The following AKAP3 variants were observed in gnomAD, a reference collection of about 807,000 sequenced individuals.
AKAP3 encodes the protein A-kinase anchoring protein 3.
Under a neutral mutation model 57.2 loss-of-function variants are expected in AKAP3, and 27 were observed. That is an observed-to-expected ratio of 0.47 (90% CI 0.35 to 0.65). The LOEUF is 0.65. Among genes scored for constraint, AKAP3 ranks in the 30% least tolerant of loss-of-function variants. AKAP3 has a pLI of 0.01. For synonymous variants in AKAP3, 334 were observed against 392.3 expected (o/e 0.85, Z 1.76); for missense variants, 959 against 1,040.0 (o/e 0.92, Z 1.07).
chr12:4,646,047 G>T (rs972643952), intron 1 of AKAP3, among the ~76,000 whole-genome samples: 2 of 151,950 alleles, frequency 1.3e-5, no homozygotes, highest in Non-Finnish European at 2.9e-5. Context: ...TTATTTTTAG[G>T]ATATTTTGCC....
intron 4 of AKAP3, among the ~76,000 whole-genome samples, chr12:4,632,153 T>G (rs767019389): frequency 6.6e-6 from 1 of 152,250 alleles, no homozygotes; most frequent in Non-Finnish European, 1.5e-5. Context: ...CTAAGTAAGA[T>G]GGAACACTGA....
intron 4 of AKAP3, among the ~76,000 whole-genome samples, chr12:4,630,083 G>C (rs747877183): frequency 6.6e-6 from 1 of 152,130 alleles, no homozygotes; most frequent in African/African-American, 2.4e-5. Flanking sequence ...CAAATGTAAA[G>C]AATCACTGTA....
chr12:4,647,012 A>C (rs1945707746), intron 1 of AKAP3, among the ~76,000 whole-genome samples: 2 of 151,908 alleles, frequency 1.3e-5, no homozygotes, highest in South Asian at 4.2e-4. Context: ...CGAACTCCTG[A>C]CCTCAAGTGA....
intron 3 of AKAP3, among the ~76,000 whole-genome samples, chr12:4,640,755 C>A (rs1945627164): frequency 6.6e-6 from 1 of 152,160 alleles, no homozygotes; most frequent in African/African-American, 2.4e-5. Context: ...ACAATGGATT[C>A]CTTAGGTAAA....
At chr12:4,628,855 G>C in intron 4 of AKAP3, 50 bp from the exon 5 acceptor site, 1 of 1,530,330 alleles carries the variant, frequency 6.5e-7, no homozygotes, top group Non-Finnish European at 8.8e-7. Flanking sequence ...AAAGATATGG[G>C]ATATTCAAGA....
intron 5 of AKAP3, among the ~76,000 whole-genome samples, chr12:4,624,941 T>C (rs562579723): frequency 1.3e-5 from 2 of 151,150 alleles, no homozygotes; most frequent in Admixed American, 6.6e-5. Context: ...GAATGTATTA[T>C]GTATGTTATA....
At chr12:4,630,913 T>C (rs1224056227) in intron 4 of AKAP3, among the ~76,000 whole-genome samples, 1 of 152,192 alleles carries the variant, frequency 6.6e-6, no homozygotes, top group Non-Finnish European at 1.5e-5. Context: ...TTAACAGATA[T>C]TCATTTTTAT....
intron 3 of AKAP3, among the ~76,000 whole-genome samples, chr12:4,639,918 G>A (rs560135012): frequency 1.4e-5 from 2 of 147,796 alleles, no homozygotes; most frequent in South Asian, 2.1e-4. Context: ...CTGGGTTCAC[G>A]CCATTCTCCT....
At chr12:4,623,526 G>A (rs150557374) in intron 5 of AKAP3, among the ~76,000 whole-genome samples, 7 of 152,224 alleles carry the variant, frequency 4.6e-5, no homozygotes, top group African/African-American at 9.6e-5. Flanking sequence ...GAAATGCAGC[G>A]TGTTATCAGA....
chr12:4,641,789 A>G (rs2137449542), intron 3 of AKAP3, 110 bp downstream of exon 3: 1 of 152,342 alleles, frequency 6.6e-6, no homozygotes, highest in Non-Finnish European at 1.5e-5. Flanking sequence ...AGTTACTCCT[A>G]GTAGAAAATT....
Position 4,627,686 on chromosome 12 carries a change from G to T in AKAP3, c.1216C>A (p.Leu406Ile), listed in dbSNP as rs1336756941. The T allele has an allele frequency of 2.5e-6, 4 of 1,614,066 alleles. No individual in the cohort carries two copies. Among genetic ancestry groups the T allele is most frequent in the Non-Finnish European group, 3.4e-6 (4 of 1,180,028 alleles). The change falls in exon 5 of 6, where the codon CTC (leucine) becomes ATC (isoleucine). Residue 406 changes from leucine to isoleucine, a missense_variant. Coordinates refer to ENST00000228850, the MANE Select transcript of AKAP3 (RefSeq NM_001278309.2). ...TCACCCATTCCTTTCATGGAGATGA[G>T]GGAATAACTCTCAGCCTTGTCTTGG... ...KAQDKAESYS[L>I]ISMKGMGDPK...
intron 5 of AKAP3, among the ~76,000 whole-genome samples, chr12:4,622,676 C>T (rs1199443851): frequency 6.6e-6 from 1 of 152,128 alleles, no homozygotes; most frequent in African/African-American, 2.4e-5. Context: ...TGTAAAAACC[C>T]TAGAAGAACA....
intron 2 of AKAP3, among the ~76,000 whole-genome samples, chr12:4,644,839 A>G (rs748968002): frequency 6.6e-6 from 1 of 152,140 alleles, no homozygotes; most frequent in Non-Finnish European, 1.5e-5. Context: ...ACTTGAATCC[A>G]GGAGGTGGAG....
Position 4,628,558 on chromosome 12 carries a change from A to G in AKAP3, c.344T>C (p.Leu115Pro). 1.9e-6 allele frequency: 3 copies of G among 1,614,180 alleles called. No homozygotes were observed. The highest frequency in any genetic ancestry group is 1.7e-6 in the Non-Finnish European group (2 of 1,180,012). ...TTCATCTACTGAACTCCCGTTGCCA[A>G]GTTGGGCCCTGGGGCCCTGGCAAGG... ...EIPCQGPRAQ[L>P]GNGSSVDEVS... The change falls in exon 5 of 6, where the codon CTT becomes CCT. Residue 115 changes from leucine to proline, a missense_variant. Physicochemically the swap from Leu to Pro is moderately conservative, Grantham distance 98. Transcript: ENST00000228850.
chr12:4,618,014 AATAG>A (rs1189528080), intron 5 of AKAP3, among the ~76,000 whole-genome samples: 1 of 152,336 alleles, frequency 6.6e-6, no homozygotes, highest in Non-Finnish European at 1.5e-5. Context: ...TCAAAAATGC[AATAG>A]ATAAATTAAA....
At chr12:4,622,341 AG>A (rs1945356978) in intron 5 of AKAP3, among the ~76,000 whole-genome samples, 1 of 152,342 alleles carries the variant, frequency 6.6e-6, no homozygotes, top group South Asian at 2.1e-4. Flanking sequence ...CTAGGTGAAA[AG>A]AACAAAGCTA....
chr12:4,620,539 C>CA (rs1160482749), intron 5 of AKAP3, among the ~76,000 whole-genome samples: 1 of 144,922 alleles, frequency 6.9e-6, no homozygotes, highest in East Asian at 2.1e-4. Context: ...AAAATGAATT[C>CA]AAAATGTATT....
chr12:4,638,055 G>A, intron 4 of AKAP3, 46 bp downstream of exon 4: 2 of 1,430,484 alleles, frequency 1.4e-6, no homozygotes, highest in Non-Finnish European at 2.0e-6. Flanking sequence ...CTTAATGACA[G>A]CCCCCATATT....
chr12:4,619,977 G>T (rs889331114), intron 5 of AKAP3, among the ~76,000 whole-genome samples: 4 of 152,202 alleles, frequency 2.6e-5, no homozygotes, highest in Non-Finnish European at 4.4e-5. Flanking sequence ...TATAATGATG[G>T]AAAGGTTAAT....
Sources: gnomAD v4.1 joint callset for allele counts (sites outside exome capture counted in the v4.1 genomes callset) on GRCh38, gnomAD v4.1.1 for gene constraint, MANE v1.5 for transcripts, NCBI Gene and HGNC (gene_info 2026-07-23, HGNC 2026-07-21) for gene names.